Variants in PFKP observed in about 807,000 individuals in gnomAD.
The protein encoded by PFKP is phosphofructokinase, platelet, also known as ATP-dependent 6-phosphofructokinase, platelet type.
Under a neutral mutation model 94.3 loss-of-function variants are expected in PFKP, and 101 were observed. The observed-to-expected ratio is 1.07, with a 90% CI of 0.91 to 1.26. PFKP has a LOEUF of 1.26. PFKP is among the 50% of genes most tolerant of loss of function. The pLI is 0.00. For synonymous variants in PFKP, 573 were observed against 432.6 expected (o/e 1.32, Z -4.03); for missense variants, 1,145 against 1,103.3 (o/e 1.04, Z -0.53).
At chr10:3,084,098 C>A (rs954681214) in intron 2 of PFKP, among the ~76,000 whole-genome samples, 4 of 152,204 alleles carry the variant, frequency 2.6e-5, no homozygotes, top group African/African-American at 7.2e-5. Context: ...TGTTAATATT[C>A]AAAGCGATTT....
chr10:3,099,011 G>C (rs781224059), intron 2 of PFKP, among the ~76,000 whole-genome samples: 3 of 152,138 alleles, frequency 2.0e-5, no homozygotes, highest in East Asian at 1.9e-4. Flanking sequence ...CTCGGGAAAC[G>C]CTGGGCCATA....
chr10:3,127,157 C>T (rs986356724), intron 16 of PFKP, among the ~76,000 whole-genome samples: 1 of 152,246 alleles, frequency 6.6e-6, no homozygotes, highest in East Asian at 1.9e-4. Context: ...CTTCAGATGC[C>T]ATCTAGGTAA....
chr10:3,097,798 A>G lies in PFKP; in HGVS notation c.187-1477A>G, dbSNP rs992452132. On this transcript the variant is annotated intron_variant, in intron 2 of 21. Transcript: ENST00000381125. ...GGCAGGCAGATCACTTGAGGTCAAG[A>G]GTTGGAAACCAGCCTGGCCAACATG... 5.3e-5 allele frequency among the ~76,000 whole-genome samples: 8 copies of G among 152,198 alleles called. 1 individual carries two copies. The highest frequency in any genetic ancestry group is 3.9e-4 in the Admixed American group (6 of 15,284).
intron 2 of PFKP, among the ~76,000 whole-genome samples, chr10:3,089,341 G>A (rs556883370): frequency 2.0e-5 from 3 of 152,260 alleles, no homozygotes; most frequent in African/African-American, 7.2e-5. Context: ...CGTGCACCAC[G>A]TTTTCTTTGT....
chr10:3,107,919 G>C (rs1564312350), intron 8 of PFKP: 1 of 1,289,648 alleles, frequency 7.8e-7, no homozygotes, highest in South Asian at 1.2e-5. Context: ...CGGGGCTGGG[G>C]ATGGGCTGTG....
At chr10:3,087,401 G>A (rs557985566) in intron 2 of PFKP, among the ~76,000 whole-genome samples, 54 of 152,272 alleles carry the variant, frequency 3.5e-4, no homozygotes, top group Non-Finnish European at 6.2e-4. Flanking sequence ...TTGTCTGGCG[G>A]GGACAGCGCC....
At chr10:3,075,287 G>T (rs1832491617) in intron 1 of PFKP, among the ~76,000 whole-genome samples, 1 of 152,020 alleles carries the variant, frequency 6.6e-6, no homozygotes, top group Admixed American at 6.6e-5. Flanking sequence ...CAGTTTTAGG[G>T]TCAGTTTATG....
chr10:3,102,027 G>T (rs555098676), intron 4 of PFKP, among the ~76,000 whole-genome samples: 1 of 150,612 alleles, frequency 6.6e-6, no homozygotes, highest in African/African-American at 2.4e-5. Context: ...CGAGGCGGGC[G>T]GATCACGAGG....
intron 15 of PFKP, among the ~76,000 whole-genome samples, chr10:3,119,488 C>G (rs1284730076): frequency 6.6e-6 from 1 of 152,082 alleles, no homozygotes; most frequent in Non-Finnish European, 1.5e-5. Context: ...GCCTGTAGTC[C>G]CAGCTACCCG....
chr10:3,117,829 G>C (rs567986432), intron 14 of PFKP, among the ~76,000 whole-genome samples: 1 of 152,172 alleles, frequency 6.6e-6, no homozygotes, highest in Non-Finnish European at 1.5e-5. Flanking sequence ...TTGTGGGCTC[G>C]TCCTGAAGAG....
intron 16 of PFKP, among the ~76,000 whole-genome samples, chr10:3,126,864 G>C (rs80181195): frequency 0.024 from 3,652 of 152,368 alleles, 148 homozygotes; most frequent in East Asian, 0.15. Flanking sequence ...GTCCTTGCAG[G>C]GGGTGGCGTC....
intron 3 of PFKP, among the ~76,000 whole-genome samples, chr10:3,100,047 TAG>T (rs1564296222): frequency 3.7e-5 from 5 of 136,372 alleles, no homozygotes; most frequent in African/African-American, 1.6e-4. Flanking sequence ...CTTGTATGTG[TAG>T]GTGTGTGGTG....
chr10:3,074,983 A>G (rs1389294408), intron 1 of PFKP, among the ~76,000 whole-genome samples: 1 of 152,228 alleles, frequency 6.6e-6, no homozygotes, highest in African/African-American at 2.4e-5. Context: ...ACAGCAAGCC[A>G]GTCATCAGCA....
At chr10:3,124,114 G>A (rs1392828434) in intron 16 of PFKP, among the ~76,000 whole-genome samples, 1 of 152,122 alleles carries the variant, frequency 6.6e-6, no homozygotes, top group Admixed American at 6.5e-5. Flanking sequence ...GATGCTTTGC[G>A]TTGCACCAGG....
chr10:3,072,305 CAT>C (rs758770580), intron 1 of PFKP, among the ~76,000 whole-genome samples: 39 of 152,210 alleles, frequency 2.6e-4, no homozygotes, highest in Non-Finnish European at 4.7e-4. Context: ...CAATGACACA[CAT>C]ATTTATTGGA....
At chr10:3,083,109 TTGTC>T (rs1387692778) in intron 2 of PFKP, among the ~76,000 whole-genome samples, 11 of 152,238 alleles carry the variant, frequency 7.2e-5, no homozygotes, top group Non-Finnish European at 1.3e-4. Context: ...TTGGTTGTAT[TTGTC>T]TGAGGCTCTT....
Position 3,136,724 on chromosome 10 carries a change from G to A in PFKP, c.*145G>A, listed in dbSNP as rs993547592. The A allele has an allele frequency of 2.4e-5, 17 of 710,970 alleles. No individual in the cohort carries two copies. Among genetic ancestry groups the A allele is most frequent in the Admixed American group, 9.5e-5 (4 of 42,288 alleles). The allele number at this position is 710,970 out of a possible 1,614,324, so 44.0% of individuals were successfully genotyped here. ...CCATCTGCCCCACCTGCTCCAGTGC[G>A]TGCTGTCTGTGGAGTGTGTCTCATG... On this transcript the variant is annotated 3_prime_UTR_variant, in exon 22 of 22. Coordinates refer to ENST00000381125, the MANE Select transcript of PFKP (RefSeq NM_002627.5).
rs59102828 is a variant in PFKP at position 3,076,017 on chromosome 10, C to CAAAA, written c.113-6351_113-6348dup. On this transcript the variant is annotated intron_variant, in intron 1 of 21. Transcript: ENST00000381125. ...TGGGCGACAGAGCGAGACTCCGTCTCAAAAAAAAAAAAAAAAAAAAAAAGT... is the reference window on the plus strand; with the variant it reads ...TGGGCGACAGAGCGAGACTCCGTCTCAAAAAAAAAAAAAAAAAAAAAAAAAAAGT... Among the ~76,000 whole-genome samples the CAAAA allele has an allele frequency of 6.3e-3, 388 of 61,806 alleles. 12 individuals are homozygous for CAAAA. Among genetic ancestry groups the CAAAA allele is most frequent in the African/African-American group, 0.017 (286 of 16,890 alleles). The allele number at this position is 61,806 out of a possible 152,430, so 40.5% of individuals were successfully genotyped here.
rs573737665 is a variant in PFKP at position 3,134,972 on chromosome 10, C to G, written c.2122+390C>G. 4.0e-5 allele frequency among the ~76,000 whole-genome samples: 6 copies of G among 151,850 alleles called. No individual in the cohort carries two copies. In the South Asian group the frequency reaches 1.2e-3, roughly 31 times the overall value. ...CAAAACTTCCAGTTTTGAGGAAGAT[C>G]TGACTGCTGAATGAATTGTTCATGT... On this transcript the variant is annotated intron_variant, in intron 20 of 21. Coordinates refer to ENST00000381125, the MANE Select transcript of PFKP (RefSeq NM_002627.5).
Sources: allele counts gnomAD v4.1 joint callset (sites outside exome capture counted in the v4.1 genomes callset), GRCh38; gene constraint gnomAD v4.1.1; transcripts MANE v1.5; gene names NCBI Gene and HGNC (gene_info 2026-07-23, HGNC 2026-07-21).